RPN2: variants seen among roughly 807,000 people sequenced by gnomAD.
RPN2 encodes ribophorin II.
Under a neutral mutation model 71.4 loss-of-function variants are expected in RPN2, and 29 were observed. That is an observed-to-expected ratio of 0.41 (90% confidence interval 0.30 to 0.55). The LOEUF (loss-of-function observed/expected upper bound fraction) is 0.55. RPN2 is among the 20% of genes least tolerant of loss of function. The probability of loss-of-function intolerance (pLI) is 0.35; values close to 1 mark genes in which losing one functional copy is unlikely to be tolerated. For missense variants in RPN2, 726 were observed against 774.1 expected, an observed-to-expected ratio of 0.94 and a Z score of 0.74; for synonymous variants, 308 against 305.0, an observed-to-expected ratio of 1.01 and a Z score of -0.10.
chr20:37,229,169 G>A (rs145724105), intron 12 of RPN2, among the ~76,000 whole-genome samples: 1 of 152,330 alleles, frequency 6.6e-6, no homozygotes, highest in East Asian at 1.9e-4. Context: ...AAAGTGAATT[G>A]TACAATGTGC....
intron 10 of RPN2, among the ~76,000 whole-genome samples, 199 bp downstream of exon 10, chr20:37,224,168 T>A (rs188825915): frequency 8.5e-5 from 13 of 152,244 alleles, no homozygotes; most frequent in African/African-American, 2.9e-4. Context: ...AGATTGTATA[T>A]ACCAGTGTTT....
intron 15 of RPN2, 54 bp downstream of exon 15, chr20:37,234,149 C>G (rs1169359234): frequency 1.1e-5 from 17 of 1,572,960 alleles, no homozygotes; most frequent in Non-Finnish European, 1.5e-5. Context: ...TTTAGCCTGC[C>G]CACGCAAAAG....
At chr20:37,210,272 A>G in intron 8 of RPN2, 107 bp downstream of exon 8, 1 of 1,583,098 alleles carries the variant, frequency 6.3e-7, no homozygotes, top group Non-Finnish European at 8.6e-7. Flanking sequence ...AATTTGATCT[A>G]CTGGTATCGA....
chr20:37,211,303 G>C (rs1430430355), intron 8 of RPN2, among the ~76,000 whole-genome samples: 1 of 151,062 alleles, frequency 6.6e-6, no homozygotes, highest in Non-Finnish European at 1.5e-5. Flanking sequence ...CCAAAGTGCT[G>C]GGATTACAGG....
intron 1 of RPN2, 137 bp downstream of exon 1, chr20:37,179,506 C>T (rs888901039): frequency 7.6e-7 from 1 of 1,312,040 alleles, no homozygotes; most frequent in Non-Finnish European, 9.8e-7. Flanking sequence ...CTGGGGCGCT[C>T]TCGGATCGAG....
intron 13 of RPN2, among the ~76,000 whole-genome samples, 179 bp from the exon 14 acceptor site, chr20:37,232,117 T>C (rs1402549918): frequency 6.6e-6 from 1 of 152,258 alleles, no homozygotes; most frequent in East Asian, 1.9e-4. Context: ...ACCTCTGGGA[T>C]CAAAAGCCAG....
chr20:37,207,063 A>C (rs1600784849), intron 6 of RPN2, among the ~76,000 whole-genome samples: 1 of 152,284 alleles, frequency 6.6e-6, no homozygotes, highest in East Asian at 1.9e-4. Flanking sequence ...TCAGTTTATA[A>C]AGGAAGATGG....
At chr20:37,237,431 C>T (rs113933117) in intron 16 of RPN2, among the ~76,000 whole-genome samples, 1 of 152,174 alleles carries the variant, frequency 6.6e-6, no homozygotes, top group Non-Finnish European at 1.5e-5. Flanking sequence ...CTCTGGAAAT[C>T]GTTTTCAGAT....
At position 37,211,364 on chromosome 20, in the gene RPN2, G is replaced by A. The variant is rs2067660174; in HGVS notation, c.986+1199G>A. Reference sequence around the variant, plus strand: ...TTTAAATTAGAGATGGGGGCCAGGTGTGGCAGCTCACGCCTGTAATCCCAG... The same window carrying A: ...TTTAAATTAGAGATGGGGGCCAGGTATGGCAGCTCACGCCTGTAATCCCAG... On this transcript the variant is annotated intron_variant, in intron 8 of 16. Coordinates refer to ENST00000237530, the MANE Select transcript of RPN2 (RefSeq NM_002951.5). 2.7e-5 allele frequency among the ~76,000 whole-genome samples: 4 copies of A among 150,800 alleles called. No homozygotes were observed. In the South Asian group the frequency reaches 6.3e-4, roughly 24 times the overall value.
intron 2 of RPN2, among the ~76,000 whole-genome samples, chr20:37,194,533 A>C (rs1015199540): frequency 3.9e-5 from 6 of 152,250 alleles, no homozygotes; most frequent in African/African-American, 1.4e-4. Flanking sequence ...AAGTGCTGGG[A>C]TCACAGGCGT....
At chr20:37,222,180 A>G (rs1410334200) in intron 9 of RPN2, among the ~76,000 whole-genome samples, 1 of 152,150 alleles carries the variant, frequency 6.6e-6, no homozygotes. Flanking sequence ...AGAGAGCCCA[A>G]AGAGCCAAAG....
chr20:37,234,182 C>G, intron 15 of RPN2, 87 bp downstream of exon 15: 1 of 1,257,932 alleles, frequency 7.9e-7, no homozygotes, highest in Non-Finnish European at 1.1e-6. Flanking sequence ...GACCCACAAC[C>G]TATTACCTAT....
At chr20:37,222,879 C>A (rs1443167539) in intron 9 of RPN2, among the ~76,000 whole-genome samples, 1 of 152,098 alleles carries the variant, frequency 6.6e-6, no homozygotes, top group South Asian at 2.1e-4. Flanking sequence ...TGGCATTAGC[C>A]CCTCTTTGTG....
intron 2 of RPN2, among the ~76,000 whole-genome samples, chr20:37,196,186 A>G (rs6513961): frequency 0.6 from 89,722 of 148,460 alleles, 27,103 homozygotes; most frequent in Middle Eastern, 0.74. Context: ...CAGCCTCCTG[A>G]GTAGCTGGAA....
chr20:37,198,460 G>T lies in RPN2; in HGVS notation c.271G>T (p.Ala91Ser), dbSNP rs750945509. 3 of 1,614,156 alleles carry T rather than the reference G, an allele frequency of 1.9e-6. No homozygotes were observed. The highest frequency in any genetic ancestry group is 2.5e-6 in the Non-Finnish European group (3 of 1,180,032). Residue 91 changes from alanine to serine, a missense_variant, in exon 3 of 17, where the codon GCC (alanine) becomes TCC (serine). Transcript: ENST00000237530. ...PSNVDSLFYAAQASQALSGCE... is the reference protein window; with the variant it reads ...PSNVDSLFYASQASQALSGCE... ...CAATGTGGATTCCCTCTTCTACGCT[G>T]CCCAGGCCAGCCAGGCCCTCTCAGG...
chr20:37,228,773 G>C, intron 12 of RPN2, 29 bp downstream of exon 12: 3 of 1,609,966 alleles, frequency 1.9e-6, no homozygotes, highest in Non-Finnish European at 2.5e-6. Context: ...CCCGACCCAG[G>C]TGAGAGTGGC....
chr20:37,218,613 A>G (rs2067876838), intron 9 of RPN2, among the ~76,000 whole-genome samples: 1 of 151,998 alleles, frequency 6.6e-6, no homozygotes, highest in Non-Finnish European at 1.5e-5. Context: ...GACTTGTGCA[A>G]CCCTTGCCAC....
chr20:37,179,563 G>A (rs1175327546), intron 1 of RPN2, 194 bp downstream of exon 1: 37 of 1,365,420 alleles, frequency 2.7e-5, no homozygotes, highest in Non-Finnish European at 3.4e-5. Flanking sequence ...GCGACCTGGC[G>A]GGGTTGGTGC....
intron 16 of RPN2, among the ~76,000 whole-genome samples, chr20:37,237,726 C>T (rs2068436307): frequency 1.3e-5 from 2 of 152,182 alleles, no homozygotes; most frequent in African/African-American, 2.4e-5. Context: ...TTCATTTTGC[C>T]ACCCTCCAGT....
Sources: gnomAD v4.1 joint callset for allele counts (sites outside exome capture counted in the v4.1 genomes callset) on GRCh38, gnomAD v4.1.1 for gene constraint, MANE v1.5 for transcripts, NCBI Gene and HGNC (gene_info 2026-07-23, HGNC 2026-07-21) for gene names.